Variants in PLEKHG6 observed in about 807,000 individuals in gnomAD.
The protein encoded by PLEKHG6 is pleckstrin homology domain-containing family G member 6.
In PLEKHG6, 91 loss-of-function variants were observed where a neutral mutation model predicts 97.5. That is an observed-to-expected ratio of 0.93 (90% CI 0.79 to 1.11). The LOEUF (loss-of-function observed/expected upper bound fraction) is 1.11, where lower values mean the gene tolerates loss of function less well. Among genes scored for constraint, PLEKHG6 ranks in the 50% most tolerant of loss-of-function variants. The pLI, the probability that PLEKHG6 is intolerant of heterozygous loss-of-function variation, is 0.00. For missense variants in PLEKHG6, 1,044 were observed against 1,031.0 expected (o/e 1.01, Z -0.17); for synonymous variants, 466 against 425.5 (o/e 1.10, Z -1.17).
chr12:6,326,877 G>C (rs1947876404), intron 14 of PLEKHG6, among the ~76,000 whole-genome samples: 1 of 152,066 alleles, frequency 6.6e-6, no homozygotes, highest in South Asian at 2.1e-4. Flanking sequence ...CAGAATATTA[G>C]AGCTGCCAAA....
rs756929297 is a variant in PLEKHG6 at position 6,316,213 on chromosome 12, A to G, written c.607-42A>G. The G allele has an allele frequency of 1.3e-6, 2 of 1,513,490 alleles. No homozygotes were observed. Among genetic ancestry groups the G allele is most frequent in the Non-Finnish European group, 8.9e-7 (1 of 1,124,926 alleles). 93.8% of individuals were successfully genotyped at this position (1,513,490 alleles called of 1,614,324 possible). ...TCCTCAGCCAGTGCCACCCCTGGGG[A>G]CCTTCCAAAAGTGTGCTGCTCAGCT... is the stretch of plus-strand genomic sequence containing the variant. On this transcript the variant is annotated intron_variant, in intron 6 of 15. Coordinates refer to ENST00000684764, the MANE Select transcript of PLEKHG6 (RefSeq NM_001384598.1). This position sits in a 1 kb window ranked among gnomAD's most constrained non-coding sequence, Gnocchi z 4.1.
Position 6,315,097 on chromosome 12 carries a change from G to A in PLEKHG6, c.387G>A (p.Trp129Ter). The A allele has an allele frequency of 1.2e-6, 2 of 1,613,392 alleles. No homozygotes were observed. The highest frequency in any genetic ancestry group is 1.7e-6 in the Non-Finnish European group (2 of 1,180,006). ...TGCCCCCTGAGGACCGGCGGCACTGGGAGATAGGAGAGGGTGGCGACAGTG... is the reference window on the plus strand; with the variant it reads ...TGCCCCCTGAGGACCGGCGGCACTGAGAGATAGGAGAGGGTGGCGACAGTG... Reference protein sequence around the residue: ...PRLPPEDRRHWEIGEGGDSGL... With the variant: ...PRLPPEDRRH Residue 129 changes from tryptophan (W) to a stop codon, truncating the protein, a stop_gained, in exon 4 of 16, where the codon TGG (tryptophan) becomes TGA (stop). Coordinates refer to ENST00000684764, the MANE Select transcript of PLEKHG6 (RefSeq NM_001384598.1). LOFTEE classifies it high-confidence loss of function. The surrounding 1 kb of genome is among the most constrained non-coding windows in gnomAD (Gnocchi z 4.5).
chr12:6,312,556 C>A, intron 2 of PLEKHG6, 192 bp downstream of exon 2: 1 of 1,180,672 alleles, frequency 8.5e-7, no homozygotes, highest in Non-Finnish European at 1.1e-6. Flanking sequence ...CACCCCAGTC[C>A]CAGCAGCTGG....
At chr12:6,324,610 T>C (rs1947809115) in intron 13 of PLEKHG6, among the ~76,000 whole-genome samples, 3 of 152,090 alleles carry the variant, frequency 2.0e-5, no homozygotes, top group South Asian at 2.1e-4. Context: ...CCTGGCAGGT[T>C]TCCTACCCCC....
intron 13 of PLEKHG6, among the ~76,000 whole-genome samples, chr12:6,322,764 C>T (rs1350315796): frequency 6.6e-6 from 1 of 152,108 alleles, no homozygotes. Context: ...GCCTGTAGTC[C>T]CAGCTACTCG....
chr12:6,327,783 C>G lies in PLEKHG6; in HGVS notation c.2200C>G (p.Arg734Gly). The part of the protein sequence containing the change: ...KAGHTSLRPM[R>G]AEDMLREIRE... ...TGGCCACACATCCCTGCGCCCAATG[C>G]GGGCTGAGGACATGCTCAGAGAGAT... The change falls in exon 15 of 16, where the codon CGG becomes GGG. Residue 734 changes from arginine (R) to glycine (G), a missense_variant. Arg to Gly is a moderately radical substitution (Grantham distance 125). Coordinates refer to ENST00000684764, the MANE Select transcript of PLEKHG6 (RefSeq NM_001384598.1). The G allele has an allele frequency of 6.6e-7, 1 of 1,525,216 alleles. No individual in the cohort carries two copies. Among genetic ancestry groups the G allele is most frequent in the South Asian group, 1.3e-5 (1 of 76,170 alleles). 94.5% of individuals were successfully genotyped at this position (1,525,216 alleles called of 1,614,324 possible).
In PLEKHG6 at chr12:6,318,319, A is replaced by G; in HGVS notation, c.1174A>G (p.Thr392Ala). 6.2e-7 allele frequency: 1 copy of G among 1,613,754 alleles called. No homozygotes were observed. The highest frequency in any genetic ancestry group is 8.5e-7 in the Non-Finnish European group (1 of 1,179,942). The change falls in exon 11 of 16, where the codon ACC becomes GCC. Residue 392 changes from threonine (T) to alanine (A), a missense_variant. By Grantham distance (58) the Thr-to-Ala change is moderately conservative (BLOSUM62 0). Coordinates refer to ENST00000684764, the MANE Select transcript of PLEKHG6 (RefSeq NM_001384598.1). The part of the protein sequence containing the change: ...EVEKNLRPFS[T>A]LDLTSPMLGV... ...CCCTCAGAACCTGCGCCCATTCTCC[A>G]CCCTGGACCTGACGTCCCCCATGCT...
chr12:6,328,183 G>C lies in PLEKHG6; in HGVS notation c.*38G>C. The C allele has an allele frequency of 1.9e-6, 3 of 1,604,860 alleles. No individual in the cohort carries two copies. Among genetic ancestry groups the C allele is most frequent in the Non-Finnish European group, 2.6e-6 (3 of 1,171,678 alleles). Reference sequence around the variant, plus strand: ...ACCTTTGGCATGCATCTCTCCCAGAGGAGATCTCTCCCCAGTAGTGCTGGT... The same window carrying C: ...ACCTTTGGCATGCATCTCTCCCAGACGAGATCTCTCCCCAGTAGTGCTGGT... On this transcript the variant is annotated 3_prime_UTR_variant, in exon 16 of 16. Transcript: ENST00000684764.
chr12:6,320,803 C>T (rs1424433965), intron 13 of PLEKHG6, among the ~76,000 whole-genome samples: 3 of 152,170 alleles, frequency 2.0e-5, no homozygotes, highest in Non-Finnish European at 4.4e-5. Context: ...TTGAGTTAGA[C>T]TTTTAAGGAT....
In PLEKHG6 at chr12:6,327,484, A is replaced by ACCCCCCCC; in HGVS notation, c.1904_1905insCCCCCCCC (p.Asp637ProfsTer21). ...CTCCGGGACATCCCTCTGCGTCCCCACCCTCCCGACCCCCAAGCTCCTCAA... is the reference window on the plus strand; with the variant it reads ...CTCCGGGACATCCCTCTGCGTCCCCACCCCCCCCCCCTCCCGACCCCCAAGCTCCTCAA... On this transcript the variant is annotated frameshift_variant, in exon 15 of 16. Transcript: ENST00000684764. LOFTEE classifies it high-confidence loss of function. 1 of 333,536 alleles carries ACCCCCCCC rather than the reference A, an allele frequency of 3.0e-6. No homozygotes were observed. The highest frequency in any genetic ancestry group is 5.8e-6 in the Non-Finnish European group (1 of 172,518). The allele number at this position is 333,536 out of a possible 1,614,324, so 20.7% of individuals were successfully genotyped here.
chr12:6,316,349 C>T lies in PLEKHG6; in HGVS notation c.701C>T (p.Thr234Ile), dbSNP rs1947458128. Reference sequence around the variant, plus strand: ...GTGCTGGGGCCCACCCTGGAGGAGACTCGGGCCTCGGGCCAGCCTCTGGAC... The same window carrying T: ...GTGCTGGGGCCCACCCTGGAGGAGATTCGGGCCTCGGGCCAGCCTCTGGAC... ...DEVLGPTLEE[T>I]RASGQPLDPI... is the part of the protein sequence containing the mutation. Residue 234 changes from threonine to isoleucine, a missense_variant, in exon 7 of 16, where the codon ACT becomes ATT. Physicochemically the swap from Thr to Ile is moderately conservative, Grantham distance 89 (BLOSUM62 -1). Transcript: ENST00000684764. The surrounding 1 kb of genome is among the most constrained non-coding windows in gnomAD (Gnocchi z 4.1). 2.6e-6 allele frequency: 4 copies of T among 1,564,400 alleles called. No individual in the cohort carries two copies. The Admixed American group carries it at 5.7e-5, about 22-fold the overall frequency.
chr12:6,318,217 G>C (rs1444400122), intron 10 of PLEKHG6, 84 bp from the exon 11 acceptor site: 4 of 1,590,616 alleles, frequency 2.5e-6, no homozygotes, highest in Non-Finnish European at 3.4e-6. Context: ...GAAAGGTGTT[G>C]GTGGCAGAAC....
chr12:6,319,867 G>C, intron 13 of PLEKHG6: 9 of 159,702 alleles, frequency 5.6e-5, no homozygotes, highest in South Asian at 4.0e-4. Flanking sequence ...ATAGAGAGAA[G>C]TTATGTAGAA....
In PLEKHG6 at chr12:6,312,317, G is replaced by C. The variant is rs571840838; in HGVS notation, c.91G>C (p.Ala31Pro). The change falls in exon 2 of 16, where the codon GCT becomes CCT. Residue 31 changes from alanine (A) to proline (P), a missense_variant. Transcript: ENST00000684764. Reference protein sequence around the residue: ...ETYGGRHRASAQSTAGRLYPR... With the variant: ...ETYGGRHRASPQSTAGRLYPR... ...TTATGGGGGCCGGCATCGAGCCTCT[G>C]CTCAGAGCACTGCTGGCAGACTCTA... 1.3e-6 allele frequency: 2 copies of C among 1,579,248 alleles called. No homozygotes were observed. The highest frequency in any genetic ancestry group is 4.7e-5 in the East Asian group (2 of 42,174).
intron 3 of PLEKHG6, 137 bp downstream of exon 3, chr12:6,313,921 A>T: frequency 1.4e-6 from 1 of 701,844 alleles, no homozygotes. Flanking sequence ...GGCTCTGCCT[A>T]GGACCTCTCA....
In PLEKHG6 at chr12:6,316,820, T is replaced by A. The variant is rs762623608; in HGVS notation, c.756+416T>A. 1.3e-5 allele frequency among the ~76,000 whole-genome samples: 2 copies of A among 152,138 alleles called. No individual in the cohort carries two copies. Among genetic ancestry groups the A allele is most frequent in the Non-Finnish European group, 2.9e-5 (2 of 68,016 alleles). ...AGGATCCGACTTTCTTCTACAATGT[T>A]ACCTAGCCAGGAAAATGTGGGCCCT... is the stretch of plus-strand genomic sequence containing the variant. On this transcript the variant is annotated intron_variant, in intron 7 of 15. Transcript: ENST00000684764. The surrounding 1 kb of genome is among the most constrained non-coding windows in gnomAD (Gnocchi z 4.1).
chr12:6,320,007 G>C (rs1947648856), intron 13 of PLEKHG6, among the ~76,000 whole-genome samples: 1 of 152,198 alleles, frequency 6.6e-6, no homozygotes. Flanking sequence ...GGGTGGAAGG[G>C]AAGGGCATTC....
At chr12:6,313,533 G>A in intron 2 of PLEKHG6, 96 bp from the exon 3 acceptor site, 1 of 1,429,882 alleles carries the variant, frequency 7.0e-7, no homozygotes, top group Non-Finnish European at 9.6e-7. Context: ...CAGGGTGGGG[G>A]AACAACATCT....
In PLEKHG6 at chr12:6,315,808, G is replaced by A; in HGVS notation, c.556-61G>A. 7.0e-7 allele frequency: 1 copy of A among 1,418,570 alleles called. No individual in the cohort carries two copies. Among genetic ancestry groups the A allele is most frequent in the Non-Finnish European group, 9.7e-7 (1 of 1,034,538 alleles). 87.9% of individuals were successfully genotyped at this position (1,418,570 alleles called of 1,614,324 possible). On this transcript the variant is annotated intron_variant, in intron 5 of 15. Transcript: ENST00000684764. This position sits in a 1 kb window ranked among gnomAD's most constrained non-coding sequence, Gnocchi z 4.5. ...AGCAGTACTGAAGTTGGTGGGGGGT[G>A]GGAGGTGACGACACTGAAGGGCTGC...
Sources: allele counts gnomAD v4.1 joint callset (sites outside exome capture counted in the v4.1 genomes callset), GRCh38; gene constraint gnomAD v4.1.1; non-coding constraint Gnocchi (gnomAD v3.1); transcripts MANE v1.5; gene names NCBI Gene and HGNC (gene_info 2026-07-23, HGNC 2026-07-21).